Variants in FYB1 observed in about 807,000 individuals in gnomAD.
FYB1 encodes the protein FYN binding protein 1.
Under a neutral mutation model 94.1 loss-of-function variants are expected in FYB1, and 41 were observed. The observed-to-expected ratio is 0.44, with a 90% confidence interval of 0.34 to 0.57. The LOEUF (loss-of-function observed/expected upper bound fraction) is 0.57. FYB1 is among the 20% of genes least tolerant of loss of function. The probability of loss-of-function intolerance (pLI) is 0.02; values close to 1 mark genes in which losing one functional copy is unlikely to be tolerated. For missense variants in FYB1, 1,050 were observed against 976.8 expected, an observed-to-expected ratio of 1.07 and a Z score of -1.00; for synonymous variants, 367 against 353.2, an observed-to-expected ratio of 1.04 and a Z score of -0.44.
intron 4 of FYB1, chr5:39,139,744 A>T (rs1452706865): frequency 6.6e-6 from 1 of 152,290 alleles, no homozygotes; most frequent in Non-Finnish European, 1.5e-5. Flanking sequence ...GAGCAATAAT[A>T]TAATAATATT....
intron 1 of FYB1, among the ~76,000 whole-genome samples, chr5:39,234,645 A>G (rs1398018934): frequency 6.6e-6 from 1 of 152,222 alleles, no homozygotes; most frequent in Non-Finnish European, 1.5e-5. Flanking sequence ...ACCAACCTAA[A>G]TGCCCATCAA....
chr5:39,180,755 G>A (rs1457143879), intron 2 of FYB1, among the ~76,000 whole-genome samples: 2 of 152,156 alleles, frequency 1.3e-5, no homozygotes, highest in Non-Finnish European at 2.9e-5. Flanking sequence ...CAACTTGAGA[G>A]GAGGCCATCT....
chr5:39,123,079 T>G (rs1431744680), intron 13 of FYB1, among the ~76,000 whole-genome samples: 1 of 152,152 alleles, frequency 6.6e-6, no homozygotes, highest in Admixed American at 6.6e-5. Context: ...ACTAATAAAG[T>G]CAGGAATAAT....
At chr5:39,116,688 C>T (rs1354138449) in intron 16 of FYB1, among the ~76,000 whole-genome samples, 1 of 152,076 alleles carries the variant, frequency 6.6e-6, no homozygotes, top group Non-Finnish European at 1.5e-5. Context: ...CATCTATATC[C>T]ATACATGTTT....
At chr5:39,154,253 T>C (rs1242787173) in intron 2 of FYB1, among the ~76,000 whole-genome samples, 1 of 152,154 alleles carries the variant, frequency 6.6e-6, no homozygotes, top group Non-Finnish European at 1.5e-5. Flanking sequence ...GAATCAGTTG[T>C]TTCTATATCT....
intron 2 of FYB1, chr5:39,170,254 C>A: frequency 1.7e-6 from 2 of 1,197,618 alleles, no homozygotes; most frequent in Non-Finnish European, 1.2e-6. Context: ...GTCTTTCCTA[C>A]TGAGAGCTGT....
intron 1 of FYB1, among the ~76,000 whole-genome samples, chr5:39,214,242 G>A (rs834518): frequency 0.85 from 129,105 of 152,240 alleles, 55,097 homozygotes; most frequent in East Asian, 0.94. Context: ...AGAAAATAAC[G>A]AGTGTTGGAC....
intron 3 of FYB1, among the ~76,000 whole-genome samples, chr5:39,147,837 C>T (rs1304544875): frequency 2.6e-5 from 4 of 151,504 alleles, no homozygotes; most frequent in South Asian, 4.2e-4. Flanking sequence ...CCCGCCACCA[C>T]GCCCGGCTAA....
intron 11 of FYB1, 21 bp from the exon 12 acceptor site, chr5:39,126,156 G>A: frequency 6.2e-7 from 1 of 1,610,308 alleles, no homozygotes; most frequent in Non-Finnish European, 8.5e-7. Context: ...TGCAGGCATT[G>A]ATCAGAATGT....
chr5:39,147,107 T>C (rs2150345044), intron 3 of FYB1, among the ~76,000 whole-genome samples: 1 of 152,256 alleles, frequency 6.6e-6, no homozygotes, highest in East Asian at 1.9e-4. Context: ...GTTATGATAA[T>C]AGGTCTATTC....
At chr5:39,163,814 C>T (rs1744477924) in intron 2 of FYB1, among the ~76,000 whole-genome samples, 1 of 150,334 alleles carries the variant, frequency 6.7e-6, no homozygotes. Context: ...CTTCCCTCCT[C>T]TAAGATACAA....
chr5:39,244,774 C>G (rs946836319), intron 1 of FYB1, among the ~76,000 whole-genome samples: 26 of 152,074 alleles, frequency 1.7e-4, no homozygotes, highest in Non-Finnish European at 7.4e-5. Context: ...TGGTCCTGGA[C>G]TTTTTTTGGT....
intron 3 of FYB1, among the ~76,000 whole-genome samples, chr5:39,143,520 CTA>C (rs762529992): frequency 1.2e-4 from 18 of 147,778 alleles, no homozygotes; most frequent in Non-Finnish European, 2.6e-4. Flanking sequence ...CTTCTCTTCC[CTA>C]TCCTGATAGT....
intron 2 of FYB1, among the ~76,000 whole-genome samples, chr5:39,197,498 T>A (rs921017849): frequency 3.9e-5 from 6 of 152,244 alleles, no homozygotes; most frequent in African/African-American, 1.4e-4. Context: ...AGAAGCATTT[T>A]CCCTGGAAGT....
intron 2 of FYB1, among the ~76,000 whole-genome samples, chr5:39,163,931 T>G (rs561199352): frequency 1.3e-5 from 2 of 152,310 alleles, no homozygotes; most frequent in African/African-American, 4.8e-5. Context: ...AGAAATCAAG[T>G]TTTAGAAACA....
intron 1 of FYB1, among the ~76,000 whole-genome samples, chr5:39,259,960 C>T (rs991277724): frequency 6.6e-6 from 1 of 152,064 alleles, no homozygotes; most frequent in Non-Finnish European, 1.5e-5. Flanking sequence ...GAGTGCTGGA[C>T]ACACTAGGAC....
intron 11 of FYB1, among the ~76,000 whole-genome samples, chr5:39,127,069 A>G (rs1447927356): frequency 2.0e-4 from 30 of 147,746 alleles, no homozygotes; most frequent in Admixed American, 1.1e-3. Context: ...CAAAAAAAAA[A>G]AAAAAAAAAA....
At chr5:39,229,466 T>C (rs1040278121) in intron 1 of FYB1, among the ~76,000 whole-genome samples, 1 of 152,110 alleles carries the variant, frequency 6.6e-6, no homozygotes, top group African/African-American at 2.4e-5. Flanking sequence ...TTTCCAGAAT[T>C]AGTTGAAACT....
chr5:39,226,038 C>T (rs1579734953), intron 1 of FYB1, among the ~76,000 whole-genome samples: 1 of 152,190 alleles, frequency 6.6e-6, no homozygotes, highest in Non-Finnish European at 1.5e-5. Context: ...GAGGGTCTTA[C>T]TGTTGCTCTC....
Sources: gnomAD v4.1 joint callset for allele counts (sites outside exome capture counted in the v4.1 genomes callset) on GRCh38, gnomAD v4.1.1 for gene constraint, MANE v1.5 for transcripts, NCBI Gene and HGNC (gene_info 2026-07-23, HGNC 2026-07-21) for gene names.